ROBO2: variants seen among roughly 807,000 people sequenced by gnomAD.
ROBO2 encodes roundabout guidance receptor 2.
Under a neutral mutation model 160.8 loss-of-function variants are expected in ROBO2, and 53 were observed. The observed-to-expected ratio is 0.33, with a 90% CI of 0.26 to 0.41. The LOEUF is 0.41. Among genes scored for constraint, ROBO2 ranks in the 10% least tolerant of loss-of-function variants. The pLI is 1.00. For missense variants in ROBO2, 1,577 were observed against 1,722.4 expected, an observed-to-expected ratio of 0.92 and a Z score of 1.49; for synonymous variants, 664 against 611.7, an observed-to-expected ratio of 1.09 and a Z score of -1.26.
intron 2 of ROBO2, among the ~76,000 whole-genome samples, chr3:77,132,538 T>G (rs1485848763): frequency 6.6e-6 from 1 of 152,100 alleles, no homozygotes; most frequent in African/African-American, 2.4e-5. Flanking sequence ...TGAAAAAAAG[T>G]CATTCTTGAT....
At chr3:77,548,107 GAC>G (rs1284357167) in intron 7 of ROBO2, among the ~76,000 whole-genome samples, 1 of 147,130 alleles carries the variant, frequency 6.8e-6, no homozygotes, top group Non-Finnish European at 1.5e-5. Flanking sequence ...CACACACATA[GAC>G]ACACATAAAC....
chr3:76,821,578 TA>T (rs1371430079), intron 2 of ROBO2, among the ~76,000 whole-genome samples: 1 of 152,186 alleles, frequency 6.6e-6, no homozygotes, highest in African/African-American at 2.4e-5. Context: ...AAAAGGTTGT[TA>T]TGAGGGACTT....
Position 76,615,958 on chromosome 3 carries a change from GTCC to G in ROBO2, c.110-482051_110-482049del, listed in dbSNP as rs201174720. On this transcript the variant is annotated intron_variant, in intron 2 of 26. Transcript: ENST00000487694. The stretch of plus-strand genomic sequence containing the variant: ...AGTGCCAGAGTTGAGTATAAGATGA[GTCC>G]TCCTGAGTCCTACATAGTTCAGACC... Among the ~76,000 whole-genome samples, 372 of 152,228 alleles carry G rather than the reference GTCC, an allele frequency of 2.4e-3. 2 individuals are homozygous for G. The highest frequency in any genetic ancestry group is 8.8e-3 in the African/African-American group (365 of 41,546).
rs77236952 is a variant in ROBO2, at chr3:76,958,209, G to A, written c.110-139805G>A. 2.9e-3 allele frequency among the ~76,000 whole-genome samples: 439 copies of A among 152,286 alleles called. 2 individuals carry two copies. Among genetic ancestry groups the A allele is most frequent in the Admixed American group, 4.7e-3 (72 of 15,296 alleles). ...GTCTTCAGAGCCACTTCACTTATTT[G>A]CCTTCTCAGCCTTCTCATCTGCTCA... On this transcript the variant is annotated intron_variant, in intron 2 of 26. Transcript: ENST00000487694.
chr3:77,293,708 A>C (rs1482953341), intron 2 of ROBO2, among the ~76,000 whole-genome samples: 1 of 142,198 alleles, frequency 7.0e-6, no homozygotes, highest in African/African-American at 2.8e-5. Flanking sequence ...AGAACAGTAA[A>C]GACATAAAGT....
intron 2 of ROBO2, among the ~76,000 whole-genome samples, chr3:77,133,163 G>A (rs2075997951): frequency 6.6e-6 from 1 of 152,138 alleles, no homozygotes. Context: ...CAATGTCAAA[G>A]TTTTTTGGGG....
intron 2 of ROBO2, among the ~76,000 whole-genome samples, chr3:76,352,970 T>C (rs2074965124): frequency 6.6e-6 from 1 of 151,982 alleles, no homozygotes; most frequent in African/African-American, 2.4e-5. Context: ...TGTTAAATAT[T>C]AATCAAGATT....
At chr3:77,077,260 GCACTGGTGTCTAAAAGTT>G (rs950355830) in intron 1 of ROBO2, among the ~76,000 whole-genome samples, 3 of 152,214 alleles carry the variant, frequency 2.0e-5, no homozygotes, top group Middle Eastern at 3.4e-3. Flanking sequence ...TCTTGGTAAA[GCACTGGTGTCTAAAAGTT>G]CAATGAATTA....
intron 2 of ROBO2, among the ~76,000 whole-genome samples, chr3:76,001,204 A>G (rs1339155746): frequency 2.0e-5 from 3 of 152,208 alleles, no homozygotes; most frequent in Admixed American, 6.5e-5. Flanking sequence ...TGAATCAATC[A>G]TCTCCTACCT....
At chr3:76,346,520 A>G (rs923421528) in intron 2 of ROBO2, among the ~76,000 whole-genome samples, 9 of 152,132 alleles carry the variant, frequency 5.9e-5, no homozygotes, top group African/African-American at 1.9e-4. Flanking sequence ...TTGGCCTTCA[A>G]AATCATGTCT....
intron 2 of ROBO2, among the ~76,000 whole-genome samples, chr3:76,196,114 G>T (rs1249015781): frequency 6.6e-6 from 1 of 152,048 alleles, no homozygotes; most frequent in East Asian, 1.9e-4. Flanking sequence ...GTCCCCACAG[G>T]TTACTTCCCT....
At chr3:76,452,668 A>G (rs1157603673) in intron 2 of ROBO2, among the ~76,000 whole-genome samples, 1 of 152,210 alleles carries the variant, frequency 6.6e-6, no homozygotes, top group Non-Finnish European at 1.5e-5. Flanking sequence ...AGCATGATTT[A>G]TAATCCTTTG....
chr3:77,643,300 T>C (rs2095373717), intron 24 of ROBO2, among the ~76,000 whole-genome samples: 1 of 152,224 alleles, frequency 6.6e-6, no homozygotes, highest in African/African-American at 2.4e-5. Flanking sequence ...GCAAGTTTGT[T>C]CATTTTGGCT....
At chr3:75,981,343 A>T (rs1282605876) in intron 2 of ROBO2, among the ~76,000 whole-genome samples, 4 of 151,444 alleles carry the variant, frequency 2.6e-5, no homozygotes, top group African/African-American at 9.7e-5. Context: ...CCTATAGCCT[A>T]TATCTACATC....
At chr3:77,035,933 G>A (rs1156473493), upstream of ROBO2, among the ~76,000 whole-genome samples, 1 of 151,866 alleles carries the variant, frequency 6.6e-6, no homozygotes, top group Non-Finnish European at 1.5e-5. Flanking sequence ...AATTCGAGCT[G>A]AGCAATGGCT....
At chr3:76,855,387 G>A (rs981930879) in intron 2 of ROBO2, among the ~76,000 whole-genome samples, 2 of 152,190 alleles carry the variant, frequency 1.3e-5, no homozygotes, top group Admixed American at 6.5e-5. Context: ...GGTGATAGAT[G>A]TTTGATGTCT....
chr3:77,101,732 A>G (rs1438277806), intron 2 of ROBO2, among the ~76,000 whole-genome samples: 1 of 152,160 alleles, frequency 6.6e-6, no homozygotes, highest in Non-Finnish European at 1.5e-5. Flanking sequence ...ATAATCAAGG[A>G]ATACATTAAA....
chr3:76,538,151 T>TCACTCACA (rs2082615300), intron 2 of ROBO2, among the ~76,000 whole-genome samples: 3 of 146,258 alleles, frequency 2.1e-5, no homozygotes, highest in African/African-American at 7.6e-5. Flanking sequence ...CTGACAGAAC[T>TCACTCACA]CACACACACA....
rs78953106 is a variant in ROBO2 at position 76,634,576 on chromosome 3, A to G, written c.110-463438A>G. The stretch of plus-strand genomic sequence containing the variant: ...AAGTGAGACTTCGTCTCAAAGAGAA[A>G]AAAAAAAAAAGGACATCAGTCAGAT... On this transcript the variant is annotated intron_variant, in intron 2 of 26. Transcript: ENST00000487694. Among the ~76,000 whole-genome samples the G allele has an allele frequency of 1.5e-4, 22 of 150,672 alleles. No individual in the cohort carries two copies. In the East Asian group the frequency reaches 1.7e-3, roughly 12 times the overall value.
Sources: gnomAD v4.1 joint callset for allele counts (sites outside exome capture counted in the v4.1 genomes callset) on GRCh38, gnomAD v4.1.1 for gene constraint, MANE v1.5 for transcripts, NCBI Gene and HGNC (gene_info 2026-07-23, HGNC 2026-07-21) for gene names.